Variants in COBLL1 observed in about 807,000 individuals in gnomAD.
COBLL1 encodes the protein cordon-bleu WH2 repeat protein like 1, also known as cordon-bleu protein-like 1.
A neutral mutation model predicts 94.8 loss-of-function variants in COBLL1; 50 were observed. That is an observed-to-expected ratio of 0.53 (90% CI 0.42 to 0.67). COBLL1 has a LOEUF of 0.67. COBLL1 is among the 30% of genes least tolerant of loss of function. The probability of loss-of-function intolerance (pLI) is 0.00; values close to 1 mark genes in which losing one functional copy is unlikely to be tolerated. For missense variants in COBLL1, 1,362 were observed against 1,348.7 expected, an observed-to-expected ratio of 1.01 and a Z score of -0.15; for synonymous variants, 448 against 473.8, an observed-to-expected ratio of 0.95 and a Z score of 0.71.
At chr2:164,710,684 C>T (rs1684851153) in intron 7 of COBLL1, among the ~76,000 whole-genome samples, 1 of 151,766 alleles carries the variant, frequency 6.6e-6, no homozygotes, top group Non-Finnish European at 1.5e-5. Context: ...CTGACTCAGC[C>T]TCCCGAGTAG....
At chr2:164,776,095 C>T (rs1688450076) in intron 2 of COBLL1, among the ~76,000 whole-genome samples, 1 of 150,990 alleles carries the variant, frequency 6.6e-6, no homozygotes, top group Non-Finnish European at 1.5e-5. Flanking sequence ...CCCCCCCAGT[C>T]CAATTCAACC....
At chr2:164,661,680 T>C (rs1445267274) in intron 2 of COBLL1, among the ~76,000 whole-genome samples, 1 of 152,178 alleles carries the variant, frequency 6.6e-6, no homozygotes, top group Non-Finnish European at 1.5e-5. Flanking sequence ...CACACTTCAA[T>C]GTGCCATTTT....
intron 4 of COBLL1, among the ~76,000 whole-genome samples, chr2:164,728,935 T>G (rs1685849292): frequency 6.6e-6 from 1 of 152,024 alleles, no homozygotes; most frequent in Non-Finnish European, 1.5e-5. Flanking sequence ...CCATACTAAG[T>G]GAAACGTACA....
chr2:164,758,666 A>G (rs1687531187), intron 2 of COBLL1, among the ~76,000 whole-genome samples: 1 of 151,958 alleles, frequency 6.6e-6, no homozygotes, highest in Admixed American at 6.6e-5. Flanking sequence ...CTACAATTAA[A>G]TTTTTTTTAA....
At chr2:164,757,355 T>C (rs1687463918) in intron 2 of COBLL1, among the ~76,000 whole-genome samples, 1 of 152,176 alleles carries the variant, frequency 6.6e-6, no homozygotes. Context: ...TCAGGATCAG[T>C]GAATAAAACA....
At chr2:164,818,272 G>GTATGTATACA (rs1219109870) in intron 2 of COBLL1, among the ~76,000 whole-genome samples, 4 of 116,776 alleles carry the variant, frequency 3.4e-5, no homozygotes, top group African/African-American at 1.4e-4. Flanking sequence ...ATACACGTAT[G>GTATGTATACA]TATGTATACA....
intron 2 of COBLL1, among the ~76,000 whole-genome samples, chr2:164,795,039 C>T (rs2105305823): frequency 6.6e-6 from 1 of 152,252 alleles, no homozygotes; most frequent in Non-Finnish European, 1.5e-5. Context: ...TCACTAAGCC[C>T]ACTTCCTTCG....
At chr2:164,717,745 T>G (rs1685245442) in intron 7 of COBLL1, among the ~76,000 whole-genome samples, 2 of 152,094 alleles carry the variant, frequency 1.3e-5, no homozygotes. Context: ...TTATTTTTTG[T>G]AGAGGCAGGG....
At chr2:164,812,438 A>T (rs901957098) in intron 2 of COBLL1, among the ~76,000 whole-genome samples, 1 of 152,022 alleles carries the variant, frequency 6.6e-6, no homozygotes, top group African/African-American at 2.4e-5. Context: ...GTTATTTATC[A>T]GTTTATATTC....
rs552822333 is a variant in COBLL1 at position 164,743,895 on chromosome 2, C to CA, written c.42-21dup. The CA allele has an allele frequency of 2.6e-4, 380 of 1,435,306 alleles. 3 individuals are homozygous for CA. The South Asian group carries it at 5.2e-3, about 20-fold the overall frequency. 88.9% of individuals were successfully genotyped at this position (1,435,306 alleles called of 1,614,324 possible). ...TTTCTCCTAAAATATAAAGAAAACA[C>CA]AAAAAATACAAAATATTTTATTTTT... On this transcript the variant is annotated intron_variant, in intron 2 of 13. Coordinates refer to ENST00000652658, the MANE Select transcript of COBLL1 (RefSeq NM_001365672.2).
At position 164,684,878 on chromosome 2, in the gene COBLL1, A is replaced by G. The variant is rs952544613; in HGVS notation, c.*1068T>C. On this transcript the variant is annotated 3_prime_UTR_variant, in exon 14 of 14. Transcript: ENST00000652658. The stretch of plus-strand genomic sequence containing the variant: ...TTGTTTGAACAAAGCTTTCAGAATA[A>G]GTGAGCAATTAAATTCTTAAAGTAG... 6.6e-6 allele frequency: 1 copy of G among 152,174 alleles called. No homozygotes were observed. The highest frequency in any genetic ancestry group is 2.4e-5 in the African/African-American group (1 of 41,456). 9.4% of individuals were successfully genotyped at this position (152,174 alleles called of 1,614,324 possible). A position where few individuals can be genotyped will look rare whatever the true frequency, so the allele number is the denominator to read the frequency against.
At chr2:164,759,991 C>T (rs1687603215) in intron 2 of COBLL1, among the ~76,000 whole-genome samples, 1 of 152,128 alleles carries the variant, frequency 6.6e-6, no homozygotes, top group Non-Finnish European at 1.5e-5. Context: ...AGCAATTTGG[C>T]ACTGCCATAT....
intron 2 of COBLL1, among the ~76,000 whole-genome samples, chr2:164,754,439 G>A (rs1687291045): frequency 2.0e-5 from 3 of 152,138 alleles, no homozygotes; most frequent in Admixed American, 2.0e-4. Context: ...CTCCTGCTCT[G>A]AGAGAATCCA....
chr2:164,707,381 T>C (rs1684657367), intron 7 of COBLL1, among the ~76,000 whole-genome samples: 1 of 152,182 alleles, frequency 6.6e-6, no homozygotes. Context: ...CCTCAAGTGA[T>C]CTGCCTGCCT....
rs1684508036 is a variant in COBLL1 at position 164,704,988 on chromosome 2, G to T, written c.1114C>A (p.Pro372Thr). The T allele has an allele frequency of 6.3e-7, 1 of 1,597,342 alleles. No homozygotes were observed. The highest frequency in any genetic ancestry group is 1.4e-5 in the African/African-American group (1 of 73,922). Reference sequence around the variant, plus strand: ...CTATTTTCATCACTTTGATGCGGGGGTATTTTGGAGGGTGGGGAAGGTGCT... The same window carrying T: ...CTATTTTCATCACTTTGATGCGGGGTTATTTTGGAGGGTGGGGAAGGTGCT... ...RKAPSPPSKI[P>T]PHQSDENSRV... The change falls in exon 8 of 14, where the codon CCC becomes ACC. Residue 372 changes from proline to threonine, a missense_variant. Pro to Thr is a conservative substitution (Grantham distance 38, BLOSUM62 -1). Transcript: ENST00000652658.
At chr2:164,668,154 G>A (rs1436251689) in intron 1 of COBLL1, among the ~76,000 whole-genome samples, 1 of 151,978 alleles carries the variant, frequency 6.6e-6, no homozygotes, top group East Asian at 1.9e-4. Flanking sequence ...TGTAGAGGTG[G>A]GGTTTCACCA....
chr2:164,790,292 C>A (rs561951928), intron 2 of COBLL1, among the ~76,000 whole-genome samples: 6 of 152,076 alleles, frequency 3.9e-5, no homozygotes, highest in Admixed American at 3.3e-4. Context: ...GGGACGGCAT[C>A]CTATCTAGGA....
intron 2 of COBLL1, among the ~76,000 whole-genome samples, chr2:164,814,390 T>TTA (rs1684610565): frequency 2.0e-5 from 3 of 152,094 alleles, no homozygotes; most frequent in Non-Finnish European, 4.4e-5. Context: ...AATTAAAGAG[T>TTA]CTTTACTTTC....
rs182638148 is a variant in COBLL1, at chr2:164,762,763, C to A, written c.42-18888G>T. Among the ~76,000 whole-genome samples, 168 of 143,766 alleles carry A rather than the reference C, an allele frequency of 1.2e-3. 1 individual carries two copies. The highest frequency in any genetic ancestry group is 4.3e-3 in the African/African-American group (164 of 37,826). 94.3% of individuals were successfully genotyped at this position (143,766 alleles called of 152,430 possible). A position where few individuals can be genotyped will look rare whatever the true frequency, so the allele number is the denominator to read the frequency against. On this transcript the variant is annotated intron_variant, in intron 2 of 13. Transcript: ENST00000652658. ...CCAGGCTGGAGTGCAGTGGTGCGAT[C>A]TCGACTCACTGCAAGCTCCGCCTCC...
Sources: gnomAD v4.1 joint callset for allele counts (sites outside exome capture counted in the v4.1 genomes callset) on GRCh38, gnomAD v4.1.1 for gene constraint, MANE v1.5 for transcripts, NCBI Gene and HGNC (gene_info 2026-07-23, HGNC 2026-07-21) for gene names.